Variants in ACBD6 observed in about 807,000 individuals in gnomAD.
ACBD6 encodes acyl-CoA binding domain containing 6.
ACBD6 carries 28 observed loss-of-function variants against 37.2 expected under a neutral mutation model. The ratio of observed to expected loss-of-function variants is 0.75; its 90% CI spans 0.56 to 1.03. ACBD6 has a LOEUF of 1.03. Among genes scored for constraint, ACBD6 ranks in the 50% least tolerant of loss-of-function variants. The pLI, the probability that ACBD6 is intolerant of heterozygous loss-of-function variation, is 0.00. For missense variants in ACBD6, 340 were observed against 337.4 expected, an observed-to-expected ratio of 1.01 and a Z score of -0.06; for synonymous variants, 113 against 126.8, an observed-to-expected ratio of 0.89 and a Z score of 0.73.
At chr1:180,454,396 A>C (rs1557877594) in intron 3 of ACBD6, among the ~76,000 whole-genome samples, 1 of 152,226 alleles carries the variant, frequency 6.6e-6, no homozygotes, top group Non-Finnish European at 1.5e-5. Context: ...AAAGACTTAA[A>C]TGTAAGACCT....
chr1:180,384,588 T>G (rs1173351617), intron 6 of ACBD6, among the ~76,000 whole-genome samples: 2 of 152,178 alleles, frequency 1.3e-5, no homozygotes, highest in Non-Finnish European at 2.9e-5. Flanking sequence ...GGCAACAGTA[T>G]GAAGATTTCA....
chr1:180,294,759 A>G (rs976248310), intron 7 of ACBD6, among the ~76,000 whole-genome samples: 3 of 151,862 alleles, frequency 2.0e-5, no homozygotes, highest in African/African-American at 7.3e-5. Flanking sequence ...CGGTGGCACA[A>G]TCATAACTCA....
At chr1:180,309,587 T>C (rs1428732712) in intron 7 of ACBD6, among the ~76,000 whole-genome samples, 1 of 152,172 alleles carries the variant, frequency 6.6e-6, no homozygotes, top group Non-Finnish European at 1.5e-5. Context: ...TAAGAGCTGA[T>C]TCAGCAGGGC....
chr1:180,298,633 G>A (rs1351681558), intron 7 of ACBD6, among the ~76,000 whole-genome samples: 9 of 152,138 alleles, frequency 5.9e-5, no homozygotes, highest in Non-Finnish European at 1.3e-4. Flanking sequence ...GCTACCTGAG[G>A]CTAATAATAA....
rs970089202 is a variant in ACBD6, at chr1:180,493,272, A to C, written c.288-907T>G. 6.4e-5 allele frequency among the ~76,000 whole-genome samples: 9 copies of C among 141,076 alleles called. 1 individual carries two copies. Among genetic ancestry groups the C allele is most frequent in the East Asian group, 2.0e-4 (1 of 5,092 alleles). The allele number at this position is 141,076 out of a possible 152,430, so 92.6% of individuals were successfully genotyped here. A position where few individuals can be genotyped will look rare whatever the true frequency, so the allele number is the denominator to read the frequency against. On this transcript the variant is annotated intron_variant, in intron 2 of 7. Coordinates refer to ENST00000367595, the MANE Select transcript of ACBD6 (RefSeq NM_032360.4). ...CAAAAAAAAAAAAAAAAAAAAAAAA[A>C]AAAAAACAACAACAGCAACTAAAGA...
intron 9 of ACBD6, among the ~76,000 whole-genome samples, chr1:180,279,350 G>A (rs769678286): frequency 4.6e-5 from 7 of 152,188 alleles, no homozygotes; most frequent in East Asian, 1.9e-4. Flanking sequence ...AGGCTGGAGT[G>A]CAGTGGTGTG....
At chr1:180,337,048 C>T (rs1192264048) in intron 6 of ACBD6, among the ~76,000 whole-genome samples, 1 of 151,146 alleles carries the variant, frequency 6.6e-6, no homozygotes, top group Non-Finnish European at 1.5e-5. Flanking sequence ...CAGGACCAGA[C>T]ATTCACAGCC....
intron 3 of ACBD6, among the ~76,000 whole-genome samples, chr1:180,443,804 T>C (rs185798979): frequency 2.7e-5 from 4 of 150,584 alleles, no homozygotes; most frequent in Admixed American, 2.6e-4. Flanking sequence ...TTTGTATTTT[T>C]AGTAGAGACA....
intron 3 of ACBD6, among the ~76,000 whole-genome samples, chr1:180,430,913 A>T (rs556042229): frequency 1.3e-5 from 2 of 152,300 alleles, no homozygotes; most frequent in African/African-American, 4.8e-5. Flanking sequence ...TGTGGAAGCA[A>T]TGAACCTGGA....
chr1:180,393,917 T>G (rs1367736743), intron 6 of ACBD6, among the ~76,000 whole-genome samples: 1 of 152,196 alleles, frequency 6.6e-6, no homozygotes, highest in East Asian at 1.9e-4. Context: ...GCATTAAAGC[T>G]TAGTGTTTAG....
chr1:180,414,794 G>A (rs1033160548), intron 4 of ACBD6, among the ~76,000 whole-genome samples: 6 of 152,188 alleles, frequency 3.9e-5, no homozygotes, highest in Non-Finnish European at 5.9e-5. Context: ...GGACTATATG[G>A]TCACTTGAAG....
At chr1:180,280,716 G>A (rs1028234273) in intron 9 of ACBD6, among the ~76,000 whole-genome samples, 1 of 152,194 alleles carries the variant, frequency 6.6e-6, no homozygotes, top group African/African-American at 2.4e-5. Context: ...AAGATGAGAA[G>A]TTCAAATGGG....
chr1:180,440,601 AT>A (rs1233835575), intron 3 of ACBD6, among the ~76,000 whole-genome samples: 1 of 148,102 alleles, frequency 6.8e-6, no homozygotes, highest in East Asian at 2.0e-4. Context: ...GTCACTCCCC[AT>A]TCCCCTCTCC....
intron 8 of ACBD6, among the ~76,000 whole-genome samples, chr1:180,283,187 C>T (rs1005795312): frequency 7.9e-5 from 12 of 152,006 alleles, no homozygotes; most frequent in Admixed American, 7.2e-4. Flanking sequence ...AACTTACCTT[C>T]TAAATATTAA....
chr1:180,279,767 G>A (rs1649252559), intron 9 of ACBD6, among the ~76,000 whole-genome samples: 1 of 151,872 alleles, frequency 6.6e-6, no homozygotes, highest in Non-Finnish European at 1.5e-5. Flanking sequence ...TTTCTCTGCA[G>A]GAGTCTTTAT....
chr1:180,441,013 T>C (rs1312135894), intron 3 of ACBD6, among the ~76,000 whole-genome samples: 4 of 152,246 alleles, frequency 2.6e-5, no homozygotes, highest in African/African-American at 9.6e-5. Context: ...GCTATGATCA[T>C]TTGTATACAG....
intron 6 of ACBD6, among the ~76,000 whole-genome samples, chr1:180,350,093 A>T (rs1197656861): frequency 6.8e-6 from 1 of 146,758 alleles, no homozygotes; most frequent in Non-Finnish European, 1.5e-5. Flanking sequence ...TGGTGCGATC[A>T]TAGCTCACTG....
rs538896042 is a variant in ACBD6, at chr1:180,413,112, T to C, written c.573+254A>G. ...CTTATTATGCGAATAATCTCTCCCT[T>C]TAGCATAAACATATGGAAGCTATCA... On this transcript the variant is annotated intron_variant, in intron 5 of 7. Coordinates refer to ENST00000367595, the MANE Select transcript of ACBD6 (RefSeq NM_032360.4). Among the ~76,000 whole-genome samples, 5 of 152,320 alleles carry C rather than the reference T, an allele frequency of 3.3e-5. No individual in the cohort carries two copies. The South Asian group carries it at 1.0e-3, about 32-fold the overall frequency.
intron 6 of ACBD6, among the ~76,000 whole-genome samples, chr1:180,325,350 A>C (rs115732913): frequency 0.02 from 3,010 of 152,246 alleles, 101 homozygotes; most frequent in African/African-American, 0.067. Flanking sequence ...TAATTCTGCT[A>C]TTAAGAGACT....
Sources: gnomAD v4.1 joint callset for allele counts (sites outside exome capture counted in the v4.1 genomes callset) on GRCh38, gnomAD v4.1.1 for gene constraint, MANE v1.5 for transcripts, NCBI Gene and HGNC (gene_info 2026-07-23, HGNC 2026-07-21) for gene names.